Variants in SLX4IP observed in about 807,000 individuals in gnomAD.
The protein encoded by SLX4IP is SLX4 interacting protein.
In SLX4IP, 34 loss-of-function variants were observed where a neutral mutation model predicts 32.9. The observed-to-expected ratio is 1.03, with a 90% CI of 0.79 to 1.38. The LOEUF (loss-of-function observed/expected upper bound fraction) is 1.38. SLX4IP is among the 40% of genes most tolerant of loss of function. The pLI is 0.00. For missense variants in SLX4IP, 444 were observed against 479.0 expected, an observed-to-expected ratio of 0.93 and a Z score of 0.68; for synonymous variants, 172 against 171.7, an observed-to-expected ratio of 1.00 and a Z score of -0.01.
intron 2 of SLX4IP, among the ~76,000 whole-genome samples, chr20:10,505,319 T>C (rs1342466483): frequency 1.3e-5 from 2 of 152,208 alleles, no homozygotes; most frequent in Non-Finnish European, 2.9e-5. Context: ...TTCTGTGAGG[T>C]CTCTTTTCAC....
intron 3 of SLX4IP, among the ~76,000 whole-genome samples, chr20:10,559,279 T>A (rs1438780035): frequency 6.6e-6 from 1 of 152,252 alleles, no homozygotes; most frequent in African/African-American, 2.4e-5. Flanking sequence ...AACCAGTGTT[T>A]GTACTTTATC....
At chr20:10,585,225 C>T (rs1199816535) in intron 4 of SLX4IP, among the ~76,000 whole-genome samples, 1 of 152,198 alleles carries the variant, frequency 6.6e-6, no homozygotes, top group Non-Finnish European at 1.5e-5. Flanking sequence ...CTCCGAAATG[C>T]TACCAATCAC....
At chr20:10,444,963 A>T (rs2122321248) in intron 1 of SLX4IP, among the ~76,000 whole-genome samples, 2 of 152,238 alleles carry the variant, frequency 1.3e-5, no homozygotes, top group Middle Eastern at 6.8e-3. Flanking sequence ...CATGACTGTC[A>T]TCTGTTCCAT....
At chr20:10,499,328 C>T (rs2065696899) in intron 2 of SLX4IP, among the ~76,000 whole-genome samples, 1 of 152,186 alleles carries the variant, frequency 6.6e-6, no homozygotes, top group Non-Finnish European at 1.5e-5. Context: ...ACACAACATG[C>T]ACGCACACAT....
rs992719113 is a variant in SLX4IP at position 10,626,536 on chromosome 20, C to T, written c.*3157C>T. On this transcript the variant is annotated 3_prime_UTR_variant, in exon 8 of 8. Coordinates refer to ENST00000334534, the MANE Select transcript of SLX4IP (RefSeq NM_001009608.3). Reference sequence around the variant, plus strand: ...ACTTTGAATTTCCTAACTTTCTCAGCGGCATAGATTCTAAGCCACTTCCAT... The same window carrying T: ...ACTTTGAATTTCCTAACTTTCTCAGTGGCATAGATTCTAAGCCACTTCCAT... 1.3e-4 allele frequency: 20 copies of T among 152,262 alleles called. No homozygotes were observed. Among genetic ancestry groups the T allele is most frequent in the African/African-American group, 4.8e-4 (20 of 41,550 alleles). The allele number at this position is 152,262 out of a possible 1,614,324, so 9.4% of individuals were successfully genotyped here.
Position 10,623,271 on chromosome 20 carries a change from T to C in SLX4IP, c.1119T>C (p.Asn373=). 1 of 1,613,992 alleles carries C rather than the reference T, an allele frequency of 6.2e-7. No homozygotes were observed. Among genetic ancestry groups the C allele is most frequent in the Non-Finnish European group, 8.5e-7 (1 of 1,180,008 alleles). ...TCTCCTCCAGACATCTTATGAAAAA[T>C]AACCCAGGGCAGGCACAGCAAACCG... ...ESLSSRHLMK[N]NPGQAQQTGL... The change falls in exon 8 of 8, where the codon AAT becomes AAC. Residue 373 remains asparagine, a synonymous_variant. Transcript: ENST00000334534.
chr20:10,619,104 A>G (rs2067074660), intron 6 of SLX4IP, among the ~76,000 whole-genome samples: 1 of 152,186 alleles, frequency 6.6e-6, no homozygotes, highest in Admixed American at 6.5e-5. Flanking sequence ...CAGTCTTCAT[A>G]CAAATGTAAA....
chr20:10,454,434 A>T (rs1032577574), intron 1 of SLX4IP, among the ~76,000 whole-genome samples: 1 of 151,982 alleles, frequency 6.6e-6, no homozygotes. Context: ...TGTATTCCCT[A>T]ATGTCTCTTT....
At chr20:10,529,199 T>C (rs1191070367) in intron 2 of SLX4IP, among the ~76,000 whole-genome samples, 1 of 152,228 alleles carries the variant, frequency 6.6e-6, no homozygotes, top group Admixed American at 6.5e-5. Flanking sequence ...GATTTTCCTG[T>C]CATGCTAACA....
intron 2 of SLX4IP, among the ~76,000 whole-genome samples, chr20:10,524,736 C>T (rs908489657): frequency 2.6e-5 from 4 of 152,126 alleles, no homozygotes. Flanking sequence ...CTGCCAGTTA[C>T]CTGCCATTTG....
intron 1 of SLX4IP, among the ~76,000 whole-genome samples, chr20:10,457,771 G>C (rs1446534131): frequency 6.6e-6 from 1 of 150,594 alleles, no homozygotes; most frequent in Non-Finnish European, 1.5e-5. Flanking sequence ...ATGAGGGATT[G>C]GTTTAAATTA....
intron 2 of SLX4IP, among the ~76,000 whole-genome samples, chr20:10,506,326 G>A (rs1315090455): frequency 6.6e-6 from 1 of 152,204 alleles, no homozygotes; most frequent in Non-Finnish European, 1.5e-5. Flanking sequence ...TTCTTTCAGG[G>A]AAGCAAAGGA....
chr20:10,464,462 C>T (rs1219183592), intron 2 of SLX4IP, among the ~76,000 whole-genome samples: 2 of 152,182 alleles, frequency 1.3e-5, no homozygotes, highest in East Asian at 3.8e-4. Context: ...GGGAGGATCA[C>T]TTGAGGCCAG....
At chr20:10,559,775 T>C (rs1462495541) in intron 3 of SLX4IP, among the ~76,000 whole-genome samples, 1 of 152,242 alleles carries the variant, frequency 6.6e-6, no homozygotes, top group Non-Finnish European at 1.5e-5. Flanking sequence ...GAAATTGAAT[T>C]AAAACCATGT....
chr20:10,501,551 AAT>A (rs1378779738), intron 2 of SLX4IP, among the ~76,000 whole-genome samples: 1 of 152,180 alleles, frequency 6.6e-6, no homozygotes, highest in Non-Finnish European at 1.5e-5. Flanking sequence ...GCTCATGATA[AAT>A]ACTTCTGCCT....
chr20:10,579,161 T>C (rs760628809), intron 4 of SLX4IP, among the ~76,000 whole-genome samples: 2 of 152,222 alleles, frequency 1.3e-5, no homozygotes, highest in Non-Finnish European at 2.9e-5. Flanking sequence ...AATAAAAATG[T>C]ACATCTATTT....
At chr20:10,446,306 G>T (rs2122324039) in intron 1 of SLX4IP, among the ~76,000 whole-genome samples, 1 of 151,678 alleles carries the variant, frequency 6.6e-6, no homozygotes, top group East Asian at 1.9e-4. Flanking sequence ...CAGCTACTTG[G>T]GAGGCTGAGG....
At chr20:10,554,116 C>G (rs1045861376) in intron 2 of SLX4IP, among the ~76,000 whole-genome samples, 1 of 152,218 alleles carries the variant, frequency 6.6e-6, no homozygotes, top group African/African-American at 2.4e-5. Flanking sequence ...ACAGTTCTCA[C>G]CCAGTTTTTT....
chr20:10,588,640 A>C (rs75714750), intron 4 of SLX4IP, among the ~76,000 whole-genome samples: 6,165 of 152,346 alleles, frequency 0.04, 273 homozygotes, highest in East Asian at 0.18. Flanking sequence ...ATTATGCTAC[A>C]TGAAGTAAGC....
Sources: allele counts gnomAD v4.1 joint callset (sites outside exome capture counted in the v4.1 genomes callset), GRCh38; gene constraint gnomAD v4.1.1; transcripts MANE v1.5; gene names NCBI Gene and HGNC (gene_info 2026-07-23, HGNC 2026-07-21).